Variants in MBOAT1 observed in about 807,000 individuals in gnomAD.
MBOAT1 encodes membrane-bound glycerophospholipid O-acyltransferase 1.
In MBOAT1, 67 loss-of-function variants were observed where a neutral mutation model predicts 64.4. The observed-to-expected ratio is 1.04, with a 90% CI of 0.85 to 1.27. The LOEUF is 1.27. Ranked by LOEUF, MBOAT1 falls within the 50% of genes most tolerant of loss-of-function variation. The pLI is 0.00. For synonymous variants in MBOAT1, 229 were observed against 218.9 expected (o/e 1.05, Z -0.41); for missense variants, 563 against 604.6 (o/e 0.93, Z 0.72).
At chr6:20,149,368 T>C (rs1761424086) in intron 3 of MBOAT1, among the ~76,000 whole-genome samples, 1 of 152,090 alleles carries the variant, frequency 6.6e-6, no homozygotes, top group South Asian at 2.1e-4. Context: ...CCCATCAGCA[T>C]CACACAAATG....
chr6:20,168,296 T>G (rs933713830), intron 1 of MBOAT1, among the ~76,000 whole-genome samples: 6 of 152,084 alleles, frequency 3.9e-5, no homozygotes, highest in Non-Finnish European at 7.3e-5. Context: ...TCATGTTTCT[T>G]ATTAAAAAGT....
intron 12 of MBOAT1, among the ~76,000 whole-genome samples, chr6:20,105,059 C>T (rs1386729685): frequency 1.3e-5 from 2 of 152,236 alleles, no homozygotes; most frequent in African/African-American, 2.4e-5. Context: ...GGAAAAAGTG[C>T]TCCACAGATA....
At position 20,124,404 on chromosome 6, in the gene MBOAT1, T is replaced by G; in HGVS notation, c.907+4A>C. 1 of 1,612,498 alleles carries G rather than the reference T, an allele frequency of 6.2e-7. No homozygotes were observed. The highest frequency in any genetic ancestry group is 1.7e-5 in the Admixed American group (1 of 59,848). On this transcript the variant is annotated splice_donor_region_variant and intron_variant, in intron 8 of 12. Transcript: ENST00000324607. ...TTCAGTTACAGCTACTCCATCAAAC[T>G]TACCTAATGTCCATGCAAAGTAATA...
At chr6:20,161,589 T>C (rs1761863031) in intron 1 of MBOAT1, among the ~76,000 whole-genome samples, 1 of 152,080 alleles carries the variant, frequency 6.6e-6, no homozygotes, top group Admixed American at 6.6e-5. Flanking sequence ...GTGATACACC[T>C]TCCATAAATG....
chr6:20,196,104 G>A (rs1265553235), intron 1 of MBOAT1, among the ~76,000 whole-genome samples: 1 of 152,192 alleles, frequency 6.6e-6, no homozygotes, highest in Non-Finnish European at 1.5e-5. Context: ...AGACTCCCGT[G>A]AGAATGAGAG....
intron 3 of MBOAT1, among the ~76,000 whole-genome samples, chr6:20,145,709 C>T (rs1381403409): frequency 6.6e-6 from 1 of 152,226 alleles, no homozygotes; most frequent in Non-Finnish European, 1.5e-5. Flanking sequence ...CTGCACTGCT[C>T]ATGTTCCACA....
At chr6:20,117,004 A>G (rs551110230) in intron 9 of MBOAT1, among the ~76,000 whole-genome samples, 2 of 151,998 alleles carry the variant, frequency 1.3e-5, no homozygotes, top group South Asian at 4.1e-4. Flanking sequence ...TCATCTATAT[A>G]AAAAAGAGAA....
chr6:20,129,327 A>T (rs375929309), intron 5 of MBOAT1, among the ~76,000 whole-genome samples: 8 of 152,358 alleles, frequency 5.3e-5, no homozygotes, highest in African/African-American at 1.9e-4. Context: ...TCTTTTTATC[A>T]TTCGTCCGAA....
intron 1 of MBOAT1, among the ~76,000 whole-genome samples, chr6:20,163,100 G>A (rs1289551687): frequency 6.6e-6 from 1 of 152,162 alleles, no homozygotes; most frequent in Non-Finnish European, 1.5e-5. Flanking sequence ...GGTGGAAAAC[G>A]ATTGTGCTGT....
rs776868647 is a variant in MBOAT1, at chr6:20,115,270, C to T, written c.1076+18G>A. 7.2e-5 allele frequency: 115 copies of T among 1,599,646 alleles called. No individual in the cohort carries two copies. Among genetic ancestry groups the T allele is most frequent in the Non-Finnish European group, 7.7e-6 (9 of 1,166,952 alleles). ...ATCCCAGTGCCCTAAGTAATGAGGT[C>T]GTTTTTGTTTTTCTTACCACTTTAG... On this transcript the variant is annotated intron_variant, in intron 10 of 12. Transcript: ENST00000324607.
At chr6:20,108,029 C>G (rs1485186563) in intron 12 of MBOAT1, among the ~76,000 whole-genome samples, 1 of 152,124 alleles carries the variant, frequency 6.6e-6, no homozygotes, top group Non-Finnish European at 1.5e-5. Context: ...CCTAGGTGGG[C>G]ACAAGGAGGC....
rs70990012 is a variant in MBOAT1, at chr6:20,158,167, GAA to G, written c.100-5400_100-5399del. On this transcript the variant is annotated intron_variant, in intron 1 of 12. Transcript: ENST00000324607. The stretch of plus-strand genomic sequence containing the variant: ...CAAGACTCTGACTCAAAAAAAAAAA[GAA>G]AAAAAAAAAAAGGAAGAAAATGAAA... 9.3e-3 allele frequency among the ~76,000 whole-genome samples: 1,264 copies of G among 135,518 alleles called. 22 individuals carry two copies. The highest frequency in any genetic ancestry group is 0.03 in the African/African-American group (1,081 of 36,560). 88.9% of individuals were successfully genotyped at this position (135,518 alleles called of 152,430 possible).
chr6:20,129,733 G>A (rs563668666), intron 5 of MBOAT1, among the ~76,000 whole-genome samples: 4 of 152,224 alleles, frequency 2.6e-5, no homozygotes, highest in African/African-American at 9.6e-5. Flanking sequence ...AATAGTAATC[G>A]CTGGCAATCC....
chr6:20,126,727 A>C, intron 6 of MBOAT1, 27 bp from the exon 7 acceptor site: 1 of 1,544,404 alleles, frequency 6.5e-7, no homozygotes, highest in Non-Finnish European at 8.8e-7. Context: ...AATAAATTGA[A>C]AAGTCTTCAG....
intron 1 of MBOAT1, among the ~76,000 whole-genome samples, chr6:20,168,508 G>T: frequency 7.4e-6 from 1 of 135,644 alleles, no homozygotes; most frequent in East Asian, 2.0e-4. Flanking sequence ...AGAGAGAGAG[G>T]AGAGGAGAGG....
At chr6:20,194,001 AAC>A (rs1250100388) in intron 1 of MBOAT1, among the ~76,000 whole-genome samples, 1 of 152,230 alleles carries the variant, frequency 6.6e-6, no homozygotes, top group Non-Finnish European at 1.5e-5. Flanking sequence ...ACAAACATAT[AAC>A]AGTGTAACTG....
At chr6:20,203,789 A>G (rs2113773765) in intron 1 of MBOAT1, among the ~76,000 whole-genome samples, 1 of 150,512 alleles carries the variant, frequency 6.6e-6, no homozygotes, top group Non-Finnish European at 1.5e-5. Flanking sequence ...CAACTTTACA[A>G]TGGGCCCGTT....
At chr6:20,204,012 G>T (rs1401268443) in intron 1 of MBOAT1, among the ~76,000 whole-genome samples, 1 of 152,208 alleles carries the variant, frequency 6.6e-6, no homozygotes, top group Non-Finnish European at 1.5e-5. Context: ...ATGGGAAGCT[G>T]CCTGATTCAT....
At chr6:20,149,126 A>T (rs1246060638) in intron 3 of MBOAT1, among the ~76,000 whole-genome samples, 2 of 151,036 alleles carry the variant, frequency 1.3e-5, no homozygotes, top group Admixed American at 1.3e-4. Flanking sequence ...AAAACCAAAC[A>T]AAAAAAGGAA....
Sources: allele counts gnomAD v4.1 joint callset (sites outside exome capture counted in the v4.1 genomes callset), GRCh38; gene constraint gnomAD v4.1.1; transcripts MANE v1.5; gene names NCBI Gene and HGNC (gene_info 2026-07-23, HGNC 2026-07-21).